CSNK2A1: variants seen among roughly 807,000 people sequenced by gnomAD.
The protein encoded by CSNK2A1 is casein kinase 2 alpha 1.
In CSNK2A1, 10 loss-of-function variants were observed where a neutral mutation model predicts 62.9. That is an observed-to-expected ratio of 0.16 (90% CI 0.10 to 0.27). The LOEUF (loss-of-function observed/expected upper bound fraction) is 0.27, where lower values mean the gene tolerates loss of function less well. Among genes scored for constraint, CSNK2A1 ranks in the 10% least tolerant of loss-of-function variants. The pLI is 1.00. For missense variants in CSNK2A1, 160 were observed against 492.0 expected (o/e 0.33, Z 6.38); for synonymous variants, 124 against 167.8 (o/e 0.74, Z 2.02).
intron 11 of CSNK2A1, chr20:488,038 G>GC (rs1431957630): frequency 1.2e-5 from 2 of 165,376 alleles, no homozygotes; most frequent in Non-Finnish European, 2.5e-5. Context: ...TCTGCATATA[G>GC]CCTTTTTTTT....
chr20:502,753 T>G (rs2018496962), intron 4 of CSNK2A1: 1 of 152,254 alleles, frequency 6.6e-6, no homozygotes, highest in African/African-American at 2.4e-5. Context: ...ATGCAGAGAT[T>G]ATTTTTTCCA....
intron 9 of CSNK2A1, among the ~76,000 whole-genome samples, chr20:490,278 C>G (rs2018190361): frequency 6.8e-6 from 1 of 147,614 alleles, no homozygotes; most frequent in African/African-American, 2.5e-5. Context: ...CTGCTCGCCT[C>G]AGGTTCCCAA....
intron 1 of CSNK2A1, among the ~76,000 whole-genome samples, chr20:531,741 C>T (rs1233622991): frequency 1.3e-5 from 2 of 152,096 alleles, no homozygotes; most frequent in African/African-American, 4.8e-5. Context: ...GCCATTCTTT[C>T]CTGAAGGAAG....
At chr20:523,830 G>A (rs1380783156) in intron 2 of CSNK2A1, among the ~76,000 whole-genome samples, 1 of 132,600 alleles carries the variant, frequency 7.5e-6, no homozygotes, top group Admixed American at 8.4e-5. Flanking sequence ...ATGCACTCCA[G>A]CCTGGGCGAC....
At chr20:492,391 CTT>C (rs1215936981) in intron 8 of CSNK2A1, 27 bp from the exon 9 acceptor site, 2 of 1,609,886 alleles carry the variant, frequency 1.2e-6, no homozygotes, top group Admixed American at 3.3e-5. Flanking sequence ...CATGAGCAAT[CTT>C]ATCTTTCTCT....
At chr20:535,498 G>C (rs1178752446) in intron 1 of CSNK2A1, among the ~76,000 whole-genome samples, 2 of 152,198 alleles carry the variant, frequency 1.3e-5, no homozygotes, top group African/African-American at 4.8e-5. Flanking sequence ...GCTCACGCCT[G>C]TAACCCCAGC....
intron 9 of CSNK2A1, 143 bp downstream of exon 9, chr20:492,111 T>A: frequency 1.6e-6 from 1 of 637,766 alleles, no homozygotes; most frequent in Non-Finnish European, 2.7e-6. Flanking sequence ...GTGATTTATA[T>A]TTTACATTTC....
intron 13 of CSNK2A1, among the ~76,000 whole-genome samples, chr20:484,767 T>C (rs2018032425): frequency 1.3e-5 from 2 of 151,094 alleles, no homozygotes; most frequent in South Asian, 4.2e-4. Flanking sequence ...ATACAAAAGG[T>C]TCAAAAAAGT....
Position 475,606 on chromosome 20 carries a change from G to A in CSNK2A1, c.*8355C>T, listed in dbSNP as rs1392891714. The A allele has an allele frequency of 6.6e-6, 1 of 151,966 alleles. No individual in the cohort carries two copies. Among genetic ancestry groups the A allele is most frequent in the African/African-American group, 2.4e-5 (1 of 41,328 alleles). The allele number at this position is 151,966 out of a possible 1,614,324, so 9.4% of individuals were successfully genotyped here. On this transcript the variant is annotated 3_prime_UTR_variant, in exon 14 of 14. Coordinates refer to ENST00000217244, the MANE Select transcript of CSNK2A1 (RefSeq NM_177559.3). ...TATTGGTTTGTTTCTTCATTCCCCT[G>A]TAATAAGACTAAACATACACACCCT... is the stretch of plus-strand genomic sequence containing the variant.
At chr20:535,503 C>T (rs1032097652) in intron 1 of CSNK2A1, among the ~76,000 whole-genome samples, 10 of 152,074 alleles carry the variant, frequency 6.6e-5, no homozygotes, top group Non-Finnish European at 1.2e-4. Flanking sequence ...CGCCTGTAAC[C>T]CCAGCACTTT....
At position 499,549 on chromosome 20, in the gene CSNK2A1, C is replaced by T. The variant is rs1472599405; in HGVS notation, c.316-244G>A. 5.5e-6 allele frequency: 3 copies of T among 544,724 alleles called. No homozygotes were observed. The highest frequency in any genetic ancestry group is 9.6e-6 in the Non-Finnish European group (3 of 311,592). The allele number at this position is 544,724 out of a possible 1,614,324, so 33.7% of individuals were successfully genotyped here. Reference sequence around the variant, plus strand: ...CCAGGCTCTAGGCAGCCCGACAATGCGCCCATCGCCCATCGGCATCGGACC... The same window carrying T: ...CCAGGCTCTAGGCAGCCCGACAATGTGCCCATCGCCCATCGGCATCGGACC... On this transcript the variant is annotated intron_variant, in intron 5 of 13. Transcript: ENST00000217244. The surrounding 1 kb of genome is among the most constrained non-coding windows in gnomAD (Gnocchi z 4.2).
In CSNK2A1 at chr20:485,150, A is replaced by C. The variant is rs192072932; in HGVS notation, c.1061-1074T>G. ...TATATATATATATGAGAACATTATTATACATTCTTCTCCACTCCTCTTAGA... is the reference window on the plus strand; with the variant it reads ...TATATATATATATGAGAACATTATTCTACATTCTTCTCCACTCCTCTTAGA... On this transcript the variant is annotated intron_variant, in intron 13 of 13. Transcript: ENST00000217244. Among the ~76,000 whole-genome samples, 141 of 117,210 alleles carry C rather than the reference A, an allele frequency of 1.2e-3. 3 individuals are homozygous for C. Among genetic ancestry groups the C allele is most frequent in the Non-Finnish European group, 2.3e-3 (134 of 58,258 alleles). 76.9% of individuals were successfully genotyped at this position (117,210 alleles called of 152,430 possible).
At chr20:527,798 C>T (rs1295238190) in intron 2 of CSNK2A1, 135 bp downstream of exon 2, 2 of 152,212 alleles carry the variant, frequency 1.3e-5, no homozygotes, top group East Asian at 3.8e-4. Flanking sequence ...TTCAGCCTCC[C>T]AAAGTGCTAG....
At chr20:489,058 ACACT>A in intron 10 of CSNK2A1, 1 of 323,052 alleles carries the variant, frequency 3.1e-6, no homozygotes, top group South Asian at 3.7e-5. Context: ...CTCCCATTGC[ACACT>A]CAAACTACTC....
At chr20:532,441 T>C (rs1027830036) in intron 1 of CSNK2A1, among the ~76,000 whole-genome samples, 1 of 151,504 alleles carries the variant, frequency 6.6e-6, no homozygotes, top group African/African-American at 2.4e-5. Flanking sequence ...CCTCCCAAAG[T>C]GCTGGGATTA....
intron 4 of CSNK2A1, chr20:502,680 A>T (rs2122552821): frequency 6.6e-6 from 1 of 152,374 alleles, no homozygotes; most frequent in East Asian, 1.9e-4. Flanking sequence ...CCTTCATTCA[A>T]AATCATCAAG....
At chr20:504,181 A>G (rs2018530170) in intron 4 of CSNK2A1, 1 of 152,350 alleles carries the variant, frequency 6.6e-6, no homozygotes, top group African/African-American at 2.4e-5. Flanking sequence ...TCCTTCTCAA[A>G]ACAAAAACAA....
intron 2 of CSNK2A1, among the ~76,000 whole-genome samples, chr20:512,407 C>A (rs138144436): frequency 1.3e-5 from 2 of 152,030 alleles, no homozygotes; most frequent in Non-Finnish European, 1.5e-5. Context: ...TGTTTGTTGA[C>A]GATGCATTTG....
At chr20:519,384 T>C (rs2018896847) in intron 2 of CSNK2A1, among the ~76,000 whole-genome samples, 1 of 151,884 alleles carries the variant, frequency 6.6e-6, no homozygotes, top group African/African-American at 2.4e-5. Flanking sequence ...TAAAAAGAAA[T>C]CCAAAACCAA....
Sources: allele counts gnomAD v4.1 joint callset (sites outside exome capture counted in the v4.1 genomes callset), GRCh38; gene constraint gnomAD v4.1.1; non-coding constraint Gnocchi (gnomAD v3.1); transcripts MANE v1.5; gene names NCBI Gene and HGNC (gene_info 2026-07-23, HGNC 2026-07-21).